The following FAM120B variants were observed in gnomAD, a reference collection of about 807,000 sequenced individuals.
FAM120B encodes the protein family with sequence similarity 120 member B.
A neutral mutation model predicts 96.3 loss-of-function variants in FAM120B; 83 were observed. That is an observed-to-expected ratio of 0.86 (90% confidence interval 0.72 to 1.03). The LOEUF is 1.03. Ranked by LOEUF, FAM120B falls within the 50% of genes least tolerant of loss-of-function variation. The pLI, the probability that FAM120B is intolerant of heterozygous loss-of-function variation, is 0.00. For synonymous variants in FAM120B, 407 were observed against 402.7 expected (o/e 1.01, Z -0.13); for missense variants, 1,027 against 1,121.2 (o/e 0.92, Z 1.20).
At chr6:170,378,458 C>T (rs1231603338) in intron 6 of FAM120B, among the ~76,000 whole-genome samples, 1 of 152,134 alleles carries the variant, frequency 6.6e-6, no homozygotes, top group Non-Finnish European at 1.5e-5. Context: ...CGTTCATGTC[C>T]CACAGTAAAG....
intron 6 of FAM120B, among the ~76,000 whole-genome samples, chr6:170,382,634 TAAAAGAAATC>T (rs958442219): frequency 5.9e-5 from 9 of 152,080 alleles, no homozygotes; most frequent in East Asian, 5.8e-4. Flanking sequence ...AAAATACTGA[TAAAAGAAATC>T]AAAGCAAACC....
intron 1 of FAM120B, among the ~76,000 whole-genome samples, chr6:170,308,803 T>C (rs1026471942): frequency 3.3e-5 from 5 of 152,220 alleles, no homozygotes; most frequent in African/African-American, 1.2e-4. Context: ...CTTCCTCTTC[T>C]GGTGTGTGCT....
intron 7 of FAM120B, among the ~76,000 whole-genome samples, chr6:170,390,610 G>A (rs12332968): frequency 0.019 from 2,905 of 151,898 alleles, 98 homozygotes; most frequent in African/African-American, 0.067. Context: ...TTTTTCTGAC[G>A]TTGGCATTTC....
At chr6:170,320,756 G>A (rs1785233670) in intron 2 of FAM120B, among the ~76,000 whole-genome samples, 1 of 152,228 alleles carries the variant, frequency 6.6e-6, no homozygotes. Context: ...AGTAAAAGAT[G>A]ATGTGGGATG....
In FAM120B at chr6:170,358,585, A is replaced by G. The variant is rs3734772; in HGVS notation, c.2283+267A>G. Among the ~76,000 whole-genome samples the G allele has an allele frequency of 0.15, 23,181 of 152,252 alleles. 2,237 individuals are homozygous for G. The highest frequency in any genetic ancestry group is 0.21 in the Non-Finnish European group (14,127 of 67,994). On this transcript the variant is annotated intron_variant, in intron 6 of 10. Transcript: ENST00000476287. ...TTTATAGGCTAGTGATTTGAAGAGA[A>G]TAGGTTATGTGGTTCTCTATAAACC... is the stretch of plus-strand genomic sequence containing the variant.
upstream of FAM120B, chr6:170,290,826 A>G (rs1783846254): frequency 4.8e-6 from 3 of 618,644 alleles, no homozygotes; most frequent in Non-Finnish European, 8.6e-6. The surrounding 1 kb of genome is among the most constrained non-coding windows in gnomAD (Gnocchi z 4.7). Context: ...GCAGGACCGG[A>G]GGGGCCGGGC....
At chr6:170,345,407 C>A (rs1787112243) in intron 4 of FAM120B, among the ~76,000 whole-genome samples, 1 of 152,152 alleles carries the variant, frequency 6.6e-6, no homozygotes, top group Non-Finnish European at 1.5e-5. Flanking sequence ...TGTTCAAGAC[C>A]AGCCTGGGCA....
At chr6:170,329,546 C>T (rs1390790405) in intron 3 of FAM120B, among the ~76,000 whole-genome samples, 2 of 152,126 alleles carry the variant, frequency 1.3e-5, no homozygotes, top group Non-Finnish European at 2.9e-5. Flanking sequence ...CTGATAATGC[C>T]AGCTGCAAAG....
chr6:170,346,298 A>G (rs1020624571), intron 4 of FAM120B, among the ~76,000 whole-genome samples: 10 of 152,148 alleles, frequency 6.6e-5, no homozygotes, highest in Non-Finnish European at 1.5e-4. Context: ...AGCCATGTTC[A>G]TAAATGTCTT....
intron 6 of FAM120B, 124 bp from the exon 7 acceptor site, chr6:170,388,163 G>T: frequency 1.3e-6 from 1 of 778,942 alleles, no homozygotes. Flanking sequence ...TGCAGCTATG[G>T]TGATGCTGTC....
intron 9 of FAM120B, among the ~76,000 whole-genome samples, chr6:170,398,408 T>A (rs964124869): frequency 2.0e-5 from 3 of 152,066 alleles, no homozygotes; most frequent in Non-Finnish European, 2.9e-5. Context: ...AAGGTAGAAC[T>A]ATGTCATAAC....
chr6:170,319,153 A>T, intron 2 of FAM120B, 29 bp downstream of exon 2: 1 of 1,512,346 alleles, frequency 6.6e-7, no homozygotes, highest in Non-Finnish European at 8.8e-7. Flanking sequence ...CCAATATGCC[A>T]TGATTGAAAA....
At chr6:170,305,095 T>C (rs911799470), upstream of FAM120B, among the ~76,000 whole-genome samples, 4 of 152,064 alleles carry the variant, frequency 2.6e-5, no homozygotes, top group Non-Finnish European at 5.9e-5. Context: ...TCCACCCTCA[T>C]GATTTATTCA....
chr6:170,367,389 C>T (rs144242776), intron 6 of FAM120B, among the ~76,000 whole-genome samples: 359 of 152,294 alleles, frequency 2.4e-3, no homozygotes, highest in Middle Eastern at 3.4e-3. Context: ...TTACATGAAA[C>T]GCAAATTTCT....
intron 6 of FAM120B, among the ~76,000 whole-genome samples, chr6:170,387,519 G>A (rs1360137717): frequency 2.0e-5 from 3 of 152,232 alleles, no homozygotes; most frequent in Non-Finnish European, 4.4e-5. Flanking sequence ...CCAGGAGGTA[G>A]AGAGTATCTC....
intron 4 of FAM120B, among the ~76,000 whole-genome samples, chr6:170,345,316 C>CT (rs1372436900): frequency 6.6e-6 from 1 of 152,198 alleles, no homozygotes; most frequent in Non-Finnish European, 1.5e-5. Context: ...CTTCAGAACT[C>CT]TAACAGGCTG....
chr6:170,290,913 T>C (rs1783848846), upstream of FAM120B: 1 of 695,206 alleles, frequency 1.4e-6, no homozygotes, highest in South Asian at 1.5e-5. This position sits in a 1 kb window ranked among gnomAD's most constrained non-coding sequence, Gnocchi z 4.7. Context: ...TCTCCGCGGG[T>C]GCGCGCAGAG....
intron 3 of FAM120B, among the ~76,000 whole-genome samples, chr6:170,330,180 A>T (rs749307704): frequency 1.0e-3 from 156 of 152,228 alleles, no homozygotes; most frequent in Non-Finnish European, 1.9e-3. Context: ...TTAACATGGT[A>T]AACTCTCTCT....
At chr6:170,346,982 T>G (rs901281804) in intron 4 of FAM120B, among the ~76,000 whole-genome samples, 3 of 152,208 alleles carry the variant, frequency 2.0e-5, no homozygotes, top group Non-Finnish European at 4.4e-5. Context: ...TTTTTCTCTC[T>G]CCAAAATAAA....
Sources: gnomAD v4.1 joint callset for allele counts (sites outside exome capture counted in the v4.1 genomes callset) on GRCh38, gnomAD v4.1.1 for gene constraint, Gnocchi (gnomAD v3.1) non-coding constraint, MANE v1.5 for transcripts, NCBI Gene and HGNC (gene_info 2026-07-23, HGNC 2026-07-21) for gene names.